The following MAGI2 variants were observed in gnomAD, a reference collection of about 807,000 sequenced individuals.
The protein encoded by MAGI2 is membrane-associated guanylate kinase, WW and PDZ domain-containing protein 2.
Under a neutral mutation model 133.3 loss-of-function variants are expected in MAGI2, and 35 were observed. The observed-to-expected ratio is 0.26, with a 90% CI of 0.20 to 0.35. The LOEUF is 0.35. Among genes scored for constraint, MAGI2 ranks in the 10% least tolerant of loss-of-function variants. MAGI2 has a pLI of 1.00. For missense variants in MAGI2, 1,636 were observed against 1,863.4 expected (o/e 0.88, Z 2.25); for synonymous variants, 729 against 710.6 (o/e 1.03, Z -0.41).
intron 1 of MAGI2, among the ~76,000 whole-genome samples, chr7:79,239,636 C>G (rs1832227133): frequency 6.6e-6 from 1 of 152,168 alleles, no homozygotes. Context: ...ACTTGGCACT[C>G]AGAGGTGAAC....
intron 8 of MAGI2, 106 bp from the exon 9 acceptor site, chr7:78,344,066 G>A (rs987158739): frequency 2.1e-5 from 20 of 969,284 alleles, no homozygotes; most frequent in South Asian, 6.4e-5. Context: ...GGGTAAATGT[G>A]GGGGGTCTTA....
At chr7:78,438,656 T>C (rs538168607) in intron 6 of MAGI2, among the ~76,000 whole-genome samples, 93 of 152,172 alleles carry the variant, frequency 6.1e-4, no homozygotes, top group Non-Finnish European at 1.1e-3. Context: ...GTTTTGTCTT[T>C]AATTTCTCTT....
intron 1 of MAGI2, among the ~76,000 whole-genome samples, chr7:79,241,728 A>T (rs1832433286): frequency 2.0e-5 from 3 of 152,144 alleles, no homozygotes; most frequent in African/African-American, 7.2e-5. Context: ...CAGAAGTCAC[A>T]AGATTTGTGA....
chr7:79,214,436 T>TAA (rs1829822084), intron 1 of MAGI2, among the ~76,000 whole-genome samples: 1 of 126,504 alleles, frequency 7.9e-6, no homozygotes, highest in South Asian at 2.5e-4. Context: ...TATATATATA[T>TAA]ATATATAAAT....
At chr7:78,206,068 A>G (rs1829700776) in intron 10 of MAGI2, among the ~76,000 whole-genome samples, 1 of 152,136 alleles carries the variant, frequency 6.6e-6, no homozygotes, top group Admixed American at 6.5e-5. Context: ...AAGAACATCA[A>G]TGTCTTTACA....
At chr7:78,192,617 C>A (rs1298115372) in intron 12 of MAGI2, among the ~76,000 whole-genome samples, 1 of 151,554 alleles carries the variant, frequency 6.6e-6, no homozygotes, top group African/African-American at 2.4e-5. Context: ...CCATGCTCTC[C>A]TGGTTTCCTT....
intron 9 of MAGI2, among the ~76,000 whole-genome samples, chr7:78,340,801 A>T (rs1790290629): frequency 6.6e-6 from 1 of 152,124 alleles, no homozygotes. Context: ...TTGATGGAAC[A>T]TATCTCAAAA....
chr7:78,087,452 G>A (rs992094850), intron 20 of MAGI2, among the ~76,000 whole-genome samples: 2 of 151,972 alleles, frequency 1.3e-5, no homozygotes, highest in Non-Finnish European at 2.9e-5. Flanking sequence ...AATCATAGTA[G>A]TTACAATTAA....
chr7:79,357,815 AT>A (rs577156019), intron 1 of MAGI2, among the ~76,000 whole-genome samples: 17 of 152,168 alleles, frequency 1.1e-4, no homozygotes, highest in Non-Finnish European at 2.2e-4. Flanking sequence ...ACCTCTTTGA[AT>A]TTTATTTTTT....
At chr7:78,633,411 A>G (rs913283152) in intron 2 of MAGI2, among the ~76,000 whole-genome samples, 30 of 151,988 alleles carry the variant, frequency 2.0e-4, no homozygotes, top group Admixed American at 1.0e-3. Flanking sequence ...GTTTTTTTTT[A>G]AAGTGAGAGA....
chr7:79,297,262 A>G (rs1837010110), intron 1 of MAGI2, among the ~76,000 whole-genome samples: 1 of 152,232 alleles, frequency 6.6e-6, no homozygotes, highest in Admixed American at 6.5e-5. Context: ...TTTCAAATTG[A>G]TAAACTATGA....
intron 15 of MAGI2, among the ~76,000 whole-genome samples, chr7:78,167,378 T>C (rs561882733): frequency 2.0e-5 from 3 of 152,356 alleles, no homozygotes; most frequent in Non-Finnish European, 4.4e-5. Context: ...AAGGGAATGA[T>C]TATTTCCAAT....
chr7:79,409,483 T>G (rs2129170138), intron 1 of MAGI2, among the ~76,000 whole-genome samples: 1 of 152,122 alleles, frequency 6.6e-6, no homozygotes, highest in East Asian at 1.9e-4. Flanking sequence ...TTCGTTTCCT[T>G]TCTTTTCTTC....
At chr7:79,091,080 ATCT>A (rs1463435586) in intron 1 of MAGI2, among the ~76,000 whole-genome samples, 1 of 151,632 alleles carries the variant, frequency 6.6e-6, no homozygotes, top group African/African-American at 2.4e-5. Context: ...ATTACCTCTT[ATCT>A]TCTTCTCCTA....
At chr7:78,129,026 G>A (rs1002598698) in intron 18 of MAGI2, among the ~76,000 whole-genome samples, 2 of 152,188 alleles carry the variant, frequency 1.3e-5, no homozygotes, top group African/African-American at 4.8e-5. Flanking sequence ...TTGTTTGGTG[G>A]TTTGGATGTC....
chr7:78,961,701 T>C lies in MAGI2; in HGVS notation c.418+45389A>G, dbSNP rs115638996. Among the ~76,000 whole-genome samples the C allele has an allele frequency of 4.7e-3, 710 of 152,252 alleles. 9 individuals are homozygous for C. Among genetic ancestry groups the C allele is most frequent in the African/African-American group, 0.017 (688 of 41,562 alleles). ...CTAAAACAAACTATATCTGCTAGTT[T>C]GGTGTTTAGAGCTAAGCTTTCTCCT... On this transcript the variant is annotated intron_variant, in intron 2 of 21. Coordinates refer to ENST00000354212, the MANE Select transcript of MAGI2 (RefSeq NM_012301.4).
intron 1 of MAGI2, among the ~76,000 whole-genome samples, chr7:79,263,254 G>A (rs1161791732): frequency 1.3e-5 from 2 of 152,118 alleles, no homozygotes; most frequent in East Asian, 3.9e-4. Flanking sequence ...TGCACTAAAT[G>A]CTTCACGTTT....
At chr7:79,103,080 T>C (rs545298127) in intron 1 of MAGI2, among the ~76,000 whole-genome samples, 69 of 152,322 alleles carry the variant, frequency 4.5e-4, no homozygotes, top group African/African-American at 1.6e-3. Flanking sequence ...ATCTCTTAAA[T>C]TGATTCCTTA....
At chr7:78,797,923 T>TGG (rs1787751003) in intron 2 of MAGI2, among the ~76,000 whole-genome samples, 2 of 152,118 alleles carry the variant, frequency 1.3e-5, no homozygotes, top group African/African-American at 4.8e-5. Context: ...GTCACATTAA[T>TGG]AATGTCCATT....
Sources: allele counts gnomAD v4.1 joint callset (sites outside exome capture counted in the v4.1 genomes callset), GRCh38; gene constraint gnomAD v4.1.1; transcripts MANE v1.5; gene names NCBI Gene and HGNC (gene_info 2026-07-23, HGNC 2026-07-21).